Variants in TUSC3 observed in about 807,000 individuals in gnomAD.
TUSC3 encodes the protein dolichyl-diphosphooligosaccharide--protein glycosyltransferase subunit TUSC3.
A neutral mutation model predicts 44.8 loss-of-function variants in TUSC3; 45 were observed. The observed-to-expected ratio is 1.00, with a 90% confidence interval of 0.79 to 1.29. The LOEUF (loss-of-function observed/expected upper bound fraction) is 1.29, where lower values mean the gene tolerates loss of function less well. TUSC3 is among the 50% of genes most tolerant of loss of function. The pLI is 0.00. For synonymous variants in TUSC3, 212 were observed against 152.9 expected (o/e 1.39, Z -2.85); for missense variants, 519 against 437.9 (o/e 1.19, Z -1.65).
rs1261898978 is a variant in TUSC3, at chr8:15,440,833, A to C, written n.91+23528A>C. ...ACTTTTGATAGGGATGTTAATACAT[A>C]CCAGCTTTAGGTTGGAGATGCTAGC... On this transcript the variant is annotated intron_variant and non_coding_transcript_variant, in intron 1 of 5. Transcript: ENST00000503191. Among the ~76,000 whole-genome samples, 9 of 152,186 alleles carry C rather than the reference A, an allele frequency of 5.9e-5. No homozygotes were observed. The East Asian group carries it at 1.5e-3, about 26-fold the overall frequency.
intron 2 of TUSC3, among the ~76,000 whole-genome samples, chr8:15,639,828 C>A (rs1460597954): frequency 7.4e-6 from 1 of 135,230 alleles, no homozygotes; most frequent in Non-Finnish European, 1.6e-5. Context: ...TACAGTCAGT[C>A]AATATGAGTA....
chr8:15,823,498 C>T, the TUSC3 span, among the ~76,000 whole-genome samples: 1 of 152,078 alleles, frequency 6.6e-6, no homozygotes, highest in Non-Finnish European at 1.5e-5. Context: ...ATATTGAAGT[C>T]AGTATTTAGG....
At chr8:15,781,637 G>C in the TUSC3 span, among the ~76,000 whole-genome samples, 1 of 152,146 alleles carries the variant, frequency 6.6e-6, no homozygotes, top group Non-Finnish European at 1.5e-5. Flanking sequence ...AATGAGCCAA[G>C]AGATTGAAAT....
chr8:15,668,038 G>A (rs748288200), intron 5 of TUSC3, among the ~76,000 whole-genome samples: 6 of 151,764 alleles, frequency 4.0e-5, no homozygotes, highest in Non-Finnish European at 7.4e-5. Context: ...GTTATGTTCA[G>A]TTGTGTTTAT....
intron 6 of TUSC3, among the ~76,000 whole-genome samples, chr8:15,692,391 T>G (rs1433550697): frequency 6.9e-6 from 1 of 145,598 alleles, no homozygotes; most frequent in Admixed American, 6.9e-5. Context: ...TTTTTTTTTT[T>G]TTTTTTTTGC....
intron 1 of TUSC3, among the ~76,000 whole-genome samples, chr8:15,474,555 T>C (rs1800549263): frequency 6.6e-6 from 1 of 152,108 alleles, no homozygotes; most frequent in Non-Finnish European, 1.5e-5. Flanking sequence ...TCACTAGGTG[T>C]AGCAAATGGA....
chr8:15,681,015 T>A (rs74652542), intron 6 of TUSC3, among the ~76,000 whole-genome samples: 3,417 of 152,192 alleles, frequency 0.022, 124 homozygotes, highest in African/African-American at 0.076. Context: ...TTTTTACATC[T>A]ATGTTCCTTA....
chr8:15,514,399 T>C (rs1350313730), intron 2 of TUSC3, among the ~76,000 whole-genome samples: 1 of 152,228 alleles, frequency 6.6e-6, no homozygotes, highest in Non-Finnish European at 1.5e-5. Flanking sequence ...TACAGAAACT[T>C]GCTCATGATT....
chr8:15,594,962 A>G (rs998601959), intron 1 of TUSC3, among the ~76,000 whole-genome samples: 1 of 152,054 alleles, frequency 6.6e-6, no homozygotes, highest in African/African-American at 2.4e-5. Context: ...GGGACCCTGG[A>G]AAGTTGTCTA....
At chr8:15,559,444 AGGTGT>A (rs2129139478) in intron 1 of TUSC3, among the ~76,000 whole-genome samples, 1 of 147,732 alleles carries the variant, frequency 6.8e-6, no homozygotes, top group East Asian at 2.0e-4. Context: ...ATTTTGGAAT[AGGTGT>A]GGTGTGGTGC....
At chr8:15,635,159 A>T (rs1338487374) in intron 2 of TUSC3, among the ~76,000 whole-genome samples, 5 of 152,130 alleles carry the variant, frequency 3.3e-5, no homozygotes, top group Non-Finnish European at 5.9e-5. Flanking sequence ...TATGCCCGGG[A>T]ATGGTCAGGA....
rs796898212 is a variant in TUSC3, at chr8:15,703,178, G to T, written c.799-27488G>T. ...GAAAGTATCTTTCTAAACTCTTTAT[G>T]AATTCAAGAATGTTATAGAGAAAGT... On this transcript the variant is annotated intron_variant, in intron 6 of 10. Transcript: ENST00000503731. Among the ~76,000 whole-genome samples the T allele has an allele frequency of 3.1e-4, 47 of 152,184 alleles. 1 individual carries two copies. Among genetic ancestry groups the T allele is most frequent in the South Asian group, 1.0e-3 (5 of 4,820 alleles).
intron 1 of TUSC3, among the ~76,000 whole-genome samples, chr8:15,595,502 T>C (rs953362519): frequency 6.6e-6 from 1 of 152,198 alleles, no homozygotes; most frequent in South Asian, 2.1e-4. Flanking sequence ...TCCCTGTCTC[T>C]TAGGCATCAG....
At chr8:15,468,693 C>G (rs1800446314) in intron 1 of TUSC3, among the ~76,000 whole-genome samples, 1 of 152,016 alleles carries the variant, frequency 6.6e-6, no homozygotes, top group Non-Finnish European at 1.5e-5. Flanking sequence ...AGGCTAGAGA[C>G]TTCTAGAAAG....
At chr8:15,804,899 G>T in the TUSC3 span, among the ~76,000 whole-genome samples, 1 of 152,138 alleles carries the variant, frequency 6.6e-6, no homozygotes, top group Non-Finnish European at 1.5e-5. Context: ...GAATGGCACT[G>T]AATTTGTAGA....
intron 1 of TUSC3, among the ~76,000 whole-genome samples, chr8:15,553,514 A>G (rs28722619): frequency 1.1e-5 from 1 of 94,594 alleles, no homozygotes; most frequent in Non-Finnish European, 2.3e-5. Flanking sequence ...ACAAGGAAAC[A>G]CAGCAGAATT....
chr8:15,473,111 C>A (rs1378890449), intron 1 of TUSC3, among the ~76,000 whole-genome samples: 1 of 152,026 alleles, frequency 6.6e-6, no homozygotes, highest in Non-Finnish European at 1.5e-5. Flanking sequence ...TTTAGTTTCC[C>A]CAAATAAGTG....
intron 1 of TUSC3, among the ~76,000 whole-genome samples, chr8:15,443,498 A>C (rs1800049940): frequency 6.6e-6 from 1 of 152,072 alleles, no homozygotes; most frequent in South Asian, 2.1e-4. Flanking sequence ...CCACCTTTGA[A>C]AATTATGACT....
At chr8:15,737,661 G>C (rs1462378250) in intron 7 of TUSC3, among the ~76,000 whole-genome samples, 1 of 152,030 alleles carries the variant, frequency 6.6e-6, no homozygotes, top group African/African-American at 2.4e-5. Context: ...TTAATGCTGG[G>C]ATATTCCAAT....
Sources: gnomAD v4.1 joint callset for allele counts (sites outside exome capture counted in the v4.1 genomes callset) on GRCh38, gnomAD v4.1.1 for gene constraint, MANE v1.5 for transcripts, NCBI Gene and HGNC (gene_info 2026-07-23, HGNC 2026-07-21) for gene names.